CFAP52: variants seen among roughly 807,000 people sequenced by gnomAD.
CFAP52 encodes the protein cilia and flagella associated protein 52.
In CFAP52, 57 loss-of-function variants were observed where a neutral mutation model predicts 70.5. The ratio of observed to expected loss-of-function variants is 0.81; its 90% CI spans 0.65 to 1.01. CFAP52 has a LOEUF of 1.01. CFAP52 is among the 50% of genes least tolerant of loss of function. The pLI is 0.00. For missense variants in CFAP52, 785 were observed against 788.5 expected, an observed-to-expected ratio of 1.00 and a Z score of 0.05; for synonymous variants, 267 against 292.5, an observed-to-expected ratio of 0.91 and a Z score of 0.89.
intron 5 of CFAP52, 120 bp from the exon 6 acceptor site, chr17:9,599,947 G>A (rs1597776229): frequency 1.4e-6 from 1 of 723,212 alleles, no homozygotes; most frequent in African/African-American, 1.8e-5. Flanking sequence ...CTCCATGTTG[G>A]TCAGTCTGGT....
intron 8 of CFAP52, among the ~76,000 whole-genome samples, chr17:9,617,064 A>T (rs1909955292): frequency 1.2e-5 from 1 of 86,888 alleles, no homozygotes; most frequent in Non-Finnish European, 2.0e-5. Context: ...CTACGGGAGG[A>T]CATTCAAACC....
intron 9 of CFAP52, among the ~76,000 whole-genome samples, chr17:9,631,022 GAA>G (rs773855575): frequency 6.2e-4 from 42 of 67,316 alleles, no homozygotes; most frequent in East Asian, 2.8e-3. Context: ...AAGAAAGAAA[GAA>G]AGAAAGAGAG....
At chr17:9,601,383 C>T (rs1286993916) in intron 6 of CFAP52, among the ~76,000 whole-genome samples, 1 of 151,882 alleles carries the variant, frequency 6.6e-6, no homozygotes, top group African/African-American at 2.4e-5. Context: ...GCACGTTGTG[C>T]ACATGTACCC....
chr17:9,617,183 C>T (rs1304380584), intron 8 of CFAP52, among the ~76,000 whole-genome samples: 1 of 32,624 alleles, frequency 3.1e-5, no homozygotes, highest in Non-Finnish European at 4.4e-5. Context: ...AACCAAGGCT[C>T]GAGAACTACG....
downstream of CFAP52, among the ~76,000 whole-genome samples, chr17:9,644,447 A>G (rs1431797022): frequency 1.3e-5 from 2 of 152,068 alleles, no homozygotes; most frequent in African/African-American, 2.4e-5. Context: ...TTATTAAACA[A>G]CAAGTAACAT....
Position 9,638,722 on chromosome 17 carries a change from C to T in CFAP52, c.1575+11C>T. The T allele has an allele frequency of 2.5e-6, 4 of 1,612,508 alleles. No homozygotes were observed. Among genetic ancestry groups the T allele is most frequent in the Non-Finnish European group, 3.4e-6 (4 of 1,178,616 alleles). On this transcript the variant is annotated intron_variant, in intron 12 of 13. Transcript: ENST00000352665. ...GGAACAGACAGAAAGGTGAGTCCTC[C>T]CAGTGAGAGATGAGATCTTTCCAGC...
intron 4 of CFAP52, among the ~76,000 whole-genome samples, chr17:9,596,317 T>C (rs1198566393): frequency 6.6e-6 from 1 of 151,694 alleles, no homozygotes; most frequent in Non-Finnish European, 1.5e-5. Context: ...TCCAGGCTGA[T>C]CTTGAACTCC....
chr17:9,605,875 A>C (rs1181287139), intron 6 of CFAP52, among the ~76,000 whole-genome samples: 3 of 152,066 alleles, frequency 2.0e-5, no homozygotes, highest in Non-Finnish European at 4.4e-5. Context: ...CAATGCCAAG[A>C]GGGAACCCTA....
At position 9,622,552 on chromosome 17, in the gene CFAP52, A is replaced by AGAAGAAG. The variant is rs1555543658; in HGVS notation, c.1026-6120_1026-6119insGAAGAAG. On this transcript the variant is annotated intron_variant, in intron 8 of 13. Coordinates refer to ENST00000352665, the MANE Select transcript of CFAP52 (RefSeq NM_145054.5). ...TAAGACCCTGTTTCTATTAAAAAAA[A>AGAAGAAG]AAGAAGAAGAAGAAGAAGAAGATGA... Among the ~76,000 whole-genome samples, 69 of 151,482 alleles carry AGAAGAAG rather than the reference A, an allele frequency of 4.6e-4. 1 individual carries two copies. Among genetic ancestry groups the AGAAGAAG allele is most frequent in the African/African-American group, 1.6e-3 (66 of 41,070 alleles).
At chr17:9,587,378 T>C (rs761560030) in intron 3 of CFAP52, among the ~76,000 whole-genome samples, 2 of 152,232 alleles carry the variant, frequency 1.3e-5, no homozygotes. Context: ...CCTTTGAGTA[T>C]GTAGCCAGTA....
At chr17:9,593,474 G>A (rs995749309) in intron 3 of CFAP52, among the ~76,000 whole-genome samples, 5 of 151,960 alleles carry the variant, frequency 3.3e-5, no homozygotes, top group East Asian at 1.9e-4. Flanking sequence ...TTTTGTTTTC[G>A]AGACGCAGTC....
chr17:9,631,963 GGGT>G lies in CFAP52; in HGVS notation c.1175-924_1175-922del, dbSNP rs1256564136. ...TTTGTAATTTTTTTTAGTAGAGGTG[GGGT>G]CTTGCCATGTTGACCAGGCTGGTCT... On this transcript the variant is annotated intron_variant, in intron 9 of 13. Coordinates refer to ENST00000352665, the MANE Select transcript of CFAP52 (RefSeq NM_145054.5). Among the ~76,000 whole-genome samples, 7 of 152,014 alleles carry G rather than the reference GGGT, an allele frequency of 4.6e-5. No individual in the cohort carries two copies. In the East Asian group the frequency reaches 1.4e-3, roughly 29 times the overall value.
intron 7 of CFAP52, 60 bp from the exon 8 acceptor site, chr17:9,612,249 T>C (rs1909741136): frequency 6.3e-7 from 1 of 1,578,868 alleles, no homozygotes; most frequent in Admixed American, 1.7e-5. Context: ...ATGCTTCACA[T>C]GATTCGTAAC....
intron 8 of CFAP52, among the ~76,000 whole-genome samples, chr17:9,615,852 C>T (rs1459034772): frequency 5.5e-5 from 7 of 127,626 alleles, no homozygotes; most frequent in African/African-American, 2.1e-4. Context: ...GTTGCCCAAG[C>T]TGGTTTTCAA....
At chr17:9,612,188 A>G in intron 7 of CFAP52, 121 bp from the exon 8 acceptor site, 1 of 1,286,668 alleles carries the variant, frequency 7.8e-7, no homozygotes, top group South Asian at 1.4e-5. Context: ...CAACTGTGTC[A>G]CTTCTGTGAG....
intron 6 of CFAP52, among the ~76,000 whole-genome samples, chr17:9,604,791 A>G (rs1234474478): frequency 6.6e-6 from 1 of 150,854 alleles, no homozygotes; most frequent in Non-Finnish European, 1.5e-5. Context: ...ATAAATAAAT[A>G]AATAAATAAA....
intron 3 of CFAP52, chr17:9,589,795 G>T (rs1307107227): frequency 1.7e-4 from 3 of 18,080 alleles, no homozygotes; most frequent in African/African-American, 4.7e-4. Flanking sequence ...AACATTCTTA[G>T]CTCAACTTTT....
chr17:9,633,883 G>A lies in CFAP52; in HGVS notation c.1320+850G>A, dbSNP rs186887709. 3.0e-3 allele frequency among the ~76,000 whole-genome samples: 449 copies of A among 151,512 alleles called. 4 individuals are homozygous for A. The highest frequency in any genetic ancestry group is 0.01 in the Middle Eastern group (3 of 294). On this transcript the variant is annotated intron_variant, in intron 10 of 13. Coordinates refer to ENST00000352665, the MANE Select transcript of CFAP52 (RefSeq NM_145054.5). The stretch of plus-strand genomic sequence containing the variant: ...TTTTTAGTAGAGACGGGGTTTCACC[G>A]TGTTAGCCAGGATGGTCTCGATCTC...
intron 6 of CFAP52, among the ~76,000 whole-genome samples, chr17:9,605,349 G>T (rs1301988707): frequency 6.6e-6 from 1 of 152,192 alleles, no homozygotes; most frequent in Non-Finnish European, 1.5e-5. Flanking sequence ...GAAGATGCCA[G>T]TCTGAAAGAC....
Sources: allele counts gnomAD v4.1 joint callset (sites outside exome capture counted in the v4.1 genomes callset), GRCh38; gene constraint gnomAD v4.1.1; transcripts MANE v1.5; gene names NCBI Gene and HGNC (gene_info 2026-07-23, HGNC 2026-07-21).